The following FAM184A variants were observed in gnomAD, a reference collection of about 807,000 sequenced individuals.
FAM184A encodes the protein protein FAM184A.
Under a neutral mutation model 143.8 loss-of-function variants are expected in FAM184A, and 99 were observed. The observed-to-expected ratio is 0.69, with a 90% confidence interval of 0.58 to 0.81. The LOEUF is 0.81. FAM184A is among the 40% of genes least tolerant of loss of function. The pLI, the probability that FAM184A is intolerant of heterozygous loss-of-function variation, is 0.00. For missense variants in FAM184A, 1,217 were observed against 1,310.5 expected, an observed-to-expected ratio of 0.93 and a Z score of 1.10; for synonymous variants, 427 against 446.4, an observed-to-expected ratio of 0.96 and a Z score of 0.55.
intron 1 of FAM184A, among the ~76,000 whole-genome samples, chr6:119,070,729 A>T (rs574043643): frequency 2.6e-4 from 39 of 152,150 alleles, no homozygotes; most frequent in Non-Finnish European, 4.6e-4. Context: ...TCTCCAAAAA[A>T]GGGACATGGG....
chr6:119,094,196 C>G (rs750657548), intron 1 of FAM184A, among the ~76,000 whole-genome samples: 1 of 152,072 alleles, frequency 6.6e-6, no homozygotes, highest in Admixed American at 6.6e-5. Flanking sequence ...CACAGCCTCT[C>G]GAGTAGCTGG....
chr6:118,979,408 C>T lies in FAM184A; in HGVS notation c.2412G>A (p.Gln804=), dbSNP rs769178611. The change falls in exon 11 of 18, where the codon CAG becomes CAA. Residue 804 remains glutamine (Q), a synonymous_variant. Coordinates refer to ENST00000338891, the MANE Select transcript of FAM184A (RefSeq NM_024581.6). ...GFRIEMEQEL[Q]TLRFELEDEG... ...CATCTTCTAATTCAAACCGAAGAGT[C>T]TGAAGTTCCTGTTCCATTTCTATCC... is the stretch of plus-strand genomic sequence containing the variant. 6.2e-7 allele frequency: 1 copy of T among 1,613,778 alleles called. No individual in the cohort carries two copies. Among genetic ancestry groups the T allele is most frequent in the South Asian group, 1.1e-5 (1 of 90,980 alleles).
intron 1 of FAM184A, among the ~76,000 whole-genome samples, chr6:119,089,587 G>T (rs1283353623): frequency 1.3e-5 from 2 of 152,140 alleles, no homozygotes; most frequent in Non-Finnish European, 2.9e-5. Context: ...ACAGGTGTGA[G>T]CCACCATGCC....
At chr6:118,972,237 C>T (rs933720938) in intron 14 of FAM184A, among the ~76,000 whole-genome samples, 4 of 152,208 alleles carry the variant, frequency 2.6e-5, no homozygotes, top group Non-Finnish European at 4.4e-5. Flanking sequence ...TGGCTATTTA[C>T]ATTTAAATTA....
intron 13 of FAM184A, 58 bp downstream of exon 13, chr6:118,974,966 A>G: frequency 7.2e-7 from 1 of 1,386,236 alleles, no homozygotes; most frequent in Non-Finnish European, 1.0e-6. Flanking sequence ...ACTAAATATC[A>G]GCACAACAGT....
chr6:119,053,569 A>G (rs1786846352), intron 1 of FAM184A, among the ~76,000 whole-genome samples: 1 of 152,120 alleles, frequency 6.6e-6, no homozygotes, highest in Admixed American at 6.6e-5. Flanking sequence ...TTCCATTAAT[A>G]CCTTTTGATC....
At position 119,091,551 on chromosome 6, in the gene FAM184A, T is replaced by C. The variant is rs372219426; in HGVS notation, c.-202+57527A>G. ...GCCCATGTTGTCTTGTTGTGCCTCC[T>C]TCACTATGGGTCCTTTAGTGCAAAC... On this transcript the variant is annotated intron_variant, in intron 1 of 16. Transcript: ENST00000352896. Among the ~76,000 whole-genome samples the C allele has an allele frequency of 3.9e-5, 6 of 152,342 alleles. No individual in the cohort carries two copies. In the East Asian group the frequency reaches 7.7e-4, roughly 20 times the overall value.
At chr6:119,048,682 G>A (rs651781) in intron 1 of FAM184A, among the ~76,000 whole-genome samples, 5,275 of 152,098 alleles carry the variant, frequency 0.035, 348 homozygotes, top group African/African-American at 0.12. Flanking sequence ...AAAACATCCC[G>A]TTCTCACTTA....
At chr6:119,002,776 A>G in intron 9 of FAM184A, 123 bp downstream of exon 9, 1 of 833,142 alleles carries the variant, frequency 1.2e-6, no homozygotes, top group African/African-American at 1.7e-5. Flanking sequence ...GTATTTTTAG[A>G]AGTTTTAAGT....
intron 1 of FAM184A, among the ~76,000 whole-genome samples, chr6:119,100,028 G>C (rs1261287709): frequency 1.3e-5 from 2 of 152,182 alleles, no homozygotes; most frequent in Non-Finnish European, 1.5e-5. Context: ...TCAACCTGTG[G>C]GATCTGATAC....
At chr6:119,044,976 T>C (rs962909173) in intron 1 of FAM184A, among the ~76,000 whole-genome samples, 10 of 152,258 alleles carry the variant, frequency 6.6e-5, no homozygotes, top group African/African-American at 2.4e-4. Context: ...ACCAAATATG[T>C]TGAGCAAGGA....
At chr6:119,024,913 A>G (rs1582520134) in intron 1 of FAM184A, 100 bp from the exon 2 acceptor site, 3 of 1,125,540 alleles carry the variant, frequency 2.7e-6, no homozygotes, top group Non-Finnish European at 3.8e-6. Context: ...TTCTATGCAC[A>G]TAATATTGGC....
intron 1 of FAM184A, among the ~76,000 whole-genome samples, chr6:119,110,142 C>G (rs541866952): frequency 7.2e-5 from 11 of 152,246 alleles, no homozygotes; most frequent in African/African-American, 1.7e-4. Flanking sequence ...AGTCCACCTA[C>G]AGATGGGTAG....
chr6:118,994,104 C>A (rs1474424323), intron 9 of FAM184A, among the ~76,000 whole-genome samples: 1 of 152,110 alleles, frequency 6.6e-6, no homozygotes, highest in East Asian at 1.9e-4. Context: ...CATTTAGAGA[C>A]GCCTTCCCCA....
At chr6:118,978,953 C>G (rs1240500714) in intron 11 of FAM184A, among the ~76,000 whole-genome samples, 1 of 152,152 alleles carries the variant, frequency 6.6e-6, no homozygotes, top group Non-Finnish European at 1.5e-5. Flanking sequence ...TATACCTCAA[C>G]AGAAGAGTCA....
intron 17 of FAM184A, among the ~76,000 whole-genome samples, chr6:118,961,324 CATAT>C (rs373554333): frequency 6.9e-6 from 1 of 144,696 alleles, no homozygotes; most frequent in African/African-American, 2.5e-5. Flanking sequence ...TGACAATAAG[CATAT>C]ATATATATAT....
At chr6:119,121,656 A>T (rs1789216668) in intron 1 of FAM184A, among the ~76,000 whole-genome samples, 1 of 152,232 alleles carries the variant, frequency 6.6e-6, no homozygotes, top group Non-Finnish European at 1.5e-5. Flanking sequence ...ATTTGCTGTC[A>T]GTTGAGTGAT....
chr6:119,102,193 T>C (rs1183489929), intron 1 of FAM184A, among the ~76,000 whole-genome samples: 2 of 152,188 alleles, frequency 1.3e-5, no homozygotes, highest in Admixed American at 6.5e-5. Context: ...TTGTTTTCCA[T>C]CCCTCATCAG....
intron 1 of FAM184A, among the ~76,000 whole-genome samples, chr6:119,045,522 T>C (rs1312325689): frequency 6.6e-6 from 1 of 152,054 alleles, no homozygotes; most frequent in Non-Finnish European, 1.5e-5. Context: ...CAAAGCAACC[T>C]TGGAGCAGTG....
Sources: gnomAD v4.1 joint callset for allele counts (sites outside exome capture counted in the v4.1 genomes callset) on GRCh38, gnomAD v4.1.1 for gene constraint, MANE v1.5 for transcripts, NCBI Gene and HGNC (gene_info 2026-07-23, HGNC 2026-07-21) for gene names.